Variants in RAD51B observed in about 807,000 individuals in gnomAD.
RAD51B encodes RAD51 paralog B, also known as DNA repair protein RAD51 homolog 2.
A neutral mutation model predicts 42.2 loss-of-function variants in RAD51B; 38 were observed. The ratio of observed to expected loss-of-function variants is 0.90; its 90% CI spans 0.70 to 1.18. The LOEUF is 1.18. Ranked by LOEUF, RAD51B falls within the 50% of genes most tolerant of loss-of-function variation. The pLI is 0.00. For missense variants in RAD51B, 373 were observed against 400.7 expected, an observed-to-expected ratio of 0.93 and a Z score of 0.59; for synonymous variants, 154 against 145.2, an observed-to-expected ratio of 1.06 and a Z score of -0.43.
At chr14:68,678,594 G>A (rs1893361838) in intron 11 of RAD51B, among the ~76,000 whole-genome samples, 1 of 152,132 alleles carries the variant, frequency 6.6e-6, no homozygotes, top group South Asian at 2.1e-4. Flanking sequence ...GTAGGGGGGT[G>A]GCTGCCTCCC....
At chr14:68,193,342 AGTTCACT>A (rs1418210251) in intron 7 of RAD51B, among the ~76,000 whole-genome samples, 1 of 152,120 alleles carries the variant, frequency 6.6e-6, no homozygotes, top group Non-Finnish European at 1.5e-5. Context: ...TGAAGCACTT[AGTTCACT>A]GTACCTTGTA....
At chr14:68,084,181 T>G (rs1041718507) in intron 7 of RAD51B, among the ~76,000 whole-genome samples, 3 of 152,202 alleles carry the variant, frequency 2.0e-5, no homozygotes, top group Non-Finnish European at 4.4e-5. Flanking sequence ...TTAAACTTTA[T>G]CTCTGTTTTT....
chr14:67,895,486 A>G (rs1322189914), intron 7 of RAD51B, among the ~76,000 whole-genome samples: 1 of 152,178 alleles, frequency 6.6e-6, no homozygotes, highest in East Asian at 1.9e-4. Context: ...GGTACATACC[A>G]TTGCTACATC....
chr14:67,827,956 G>T (rs2040890032), intron 3 of RAD51B, among the ~76,000 whole-genome samples: 1 of 152,140 alleles, frequency 6.6e-6, no homozygotes, highest in South Asian at 2.1e-4. Flanking sequence ...ACATATGTGT[G>T]CATGTATATT....
chr14:68,148,377 G>C (rs1253142058), intron 7 of RAD51B, among the ~76,000 whole-genome samples: 1 of 152,144 alleles, frequency 6.6e-6, no homozygotes, highest in African/African-American at 2.4e-5. Context: ...TAGGATTGCT[G>C]TATGTTCAGC....
At chr14:67,901,814 C>T (rs1421502982) in intron 7 of RAD51B, among the ~76,000 whole-genome samples, 1 of 151,460 alleles carries the variant, frequency 6.6e-6, no homozygotes, top group Admixed American at 6.6e-5. Flanking sequence ...AAGCTAGACA[C>T]AAAAAGACAA....
intron 7 of RAD51B, among the ~76,000 whole-genome samples, chr14:67,980,425 A>G (rs1447718693): frequency 2.0e-5 from 3 of 152,220 alleles, no homozygotes; most frequent in Non-Finnish European, 4.4e-5. Context: ...GCTGGGCAAC[A>G]AGAACGAAAC....
rs143722214 is a variant in RAD51B at position 67,930,150 on chromosome 14, G to A, written c.756+42946G>A. Among the ~76,000 whole-genome samples, 69 of 152,256 alleles carry A rather than the reference G, an allele frequency of 4.5e-4. 1 individual carries two copies. The highest frequency in any genetic ancestry group is 1.0e-3 in the African/African-American group (43 of 41,562). ...GATCATTTTTAAATCAATTCAGAGA[G>A]TCTGTATCTTTTAAGTGGAGAATTT... On this transcript the variant is annotated intron_variant, in intron 7 of 10. Coordinates refer to ENST00000471583, the MANE Select transcript of RAD51B (RefSeq NM_133510.4).
intron 8 of RAD51B, among the ~76,000 whole-genome samples, chr14:68,405,043 C>T (rs2084226998): frequency 1.3e-5 from 2 of 152,148 alleles, no homozygotes; most frequent in Non-Finnish European, 2.9e-5. Flanking sequence ...GGTTTCGAAC[C>T]CTGGCTGTGT....
At chr14:68,440,446 A>C (rs2140158029) in intron 9 of RAD51B, among the ~76,000 whole-genome samples, 1 of 152,196 alleles carries the variant, frequency 6.6e-6, no homozygotes, top group Non-Finnish European at 1.5e-5. Context: ...CCAAGAGTAG[A>C]AAGTAACCAT....
At chr14:68,416,230 G>C (rs909524464) in intron 9 of RAD51B, among the ~76,000 whole-genome samples, 1 of 152,104 alleles carries the variant, frequency 6.6e-6, no homozygotes, top group African/African-American at 2.4e-5. Flanking sequence ...TTCCTTTCTG[G>C]TGATAGGATT....
intron 9 of RAD51B, 44 bp from the exon 10 acceptor site, chr14:68,468,128 C>T (rs756831002): frequency 6.4e-7 from 1 of 1,555,046 alleles, no homozygotes; most frequent in South Asian, 1.1e-5. Context: ...GAGGCCCATC[C>T]CTGATCCTTT....
chr14:68,214,129 G>A (rs2140950167), intron 7 of RAD51B, among the ~76,000 whole-genome samples: 1 of 152,276 alleles, frequency 6.6e-6, no homozygotes, highest in South Asian at 2.1e-4. Flanking sequence ...GCAGGAGGAG[G>A]GCAGTTCCTG....
At chr14:68,477,502 T>G (rs1882759550) in intron 10 of RAD51B, 146 bp from the exon 11 acceptor site, 4 of 986,904 alleles carry the variant, frequency 4.1e-6, no homozygotes, top group Non-Finnish European at 5.9e-6. Flanking sequence ...ATCTCTGGTT[T>G]GCAAGGCCAG....
intron 7 of RAD51B, among the ~76,000 whole-genome samples, chr14:68,105,614 G>C (rs1019210835): frequency 6.6e-6 from 1 of 151,854 alleles, no homozygotes; most frequent in African/African-American, 2.4e-5. Flanking sequence ...ATTTTAAAAG[G>C]ATGAAAGGAA....
At chr14:67,824,548 G>GT (rs2040745250) in intron 2 of RAD51B, among the ~76,000 whole-genome samples, 1 of 151,958 alleles carries the variant, frequency 6.6e-6, no homozygotes, top group Non-Finnish European at 1.5e-5. Flanking sequence ...ATGAGCCACC[G>GT]TGCCTGGCCT....
At chr14:68,547,379 C>T (rs1207403240) in intron 10 of RAD51B, among the ~76,000 whole-genome samples, 2 of 152,312 alleles carry the variant, frequency 1.3e-5, no homozygotes, top group East Asian at 1.9e-4. Context: ...CCTGTCGGCA[C>T]GTACAGGCCA....
Position 68,529,861 on chromosome 14 carries a change from G to A in RAD51B, c.1036+61611G>A, listed in dbSNP as rs533913605. Among the ~76,000 whole-genome samples the A allele has an allele frequency of 3.8e-4, 58 of 152,204 alleles. 1 individual carries two copies. In the South Asian group the frequency reaches 0.012, roughly 30 times the overall value. On this transcript the variant is annotated intron_variant, in intron 10 of 10. Transcript: ENST00000487270. ...AACTAAATTTGCCTAAATACTCAAA[G>A]AGAAATAACATCTACTTTAAAAAGG... is the stretch of plus-strand genomic sequence containing the variant.
chr14:68,406,926 A>G (rs1304736358), intron 8 of RAD51B, among the ~76,000 whole-genome samples: 2 of 152,142 alleles, frequency 1.3e-5, no homozygotes, highest in East Asian at 3.8e-4. Flanking sequence ...AATATCATCA[A>G]TATCACTGTC....
Sources: allele counts gnomAD v4.1 joint callset (sites outside exome capture counted in the v4.1 genomes callset), GRCh38; gene constraint gnomAD v4.1.1; transcripts MANE v1.5; gene names NCBI Gene and HGNC (gene_info 2026-07-23, HGNC 2026-07-21).